NRAP: variants seen among roughly 807,000 people sequenced by gnomAD.
NRAP encodes the protein nebulin-related-anchoring protein.
A neutral mutation model predicts 225.9 loss-of-function variants in NRAP; 189 were observed. The ratio of observed to expected loss-of-function variants is 0.84; its 90% CI spans 0.74 to 0.94. The LOEUF is 0.94. Among genes scored for constraint, NRAP ranks in the 40% least tolerant of loss-of-function variants. NRAP has a pLI of 0.00. For synonymous variants in NRAP, 769 were observed against 790.7 expected (o/e 0.97, Z 0.46); for missense variants, 2,176 against 2,168.7 (o/e 1.00, Z -0.07).
intron 4 of NRAP, among the ~76,000 whole-genome samples, chr10:113,655,024 C>A (rs148135781): frequency 4.2e-4 from 64 of 152,204 alleles, no homozygotes; most frequent in African/African-American, 1.5e-3. Flanking sequence ...TGGAGGGGGG[C>A]AAGTTGGACA....
chr10:113,604,117 A>C (rs1318751247), intron 35 of NRAP, among the ~76,000 whole-genome samples: 2 of 152,010 alleles, frequency 1.3e-5, no homozygotes, highest in African/African-American at 4.8e-5. Context: ...GGTGGTCAAT[A>C]AAGACTGTTT....
intron 14 of NRAP, 132 bp downstream of exon 14, chr10:113,640,095 C>T: frequency 1.9e-6 from 1 of 536,388 alleles, no homozygotes; most frequent in Admixed American, 3.4e-5. Context: ...AAAGGATTTC[C>T]CTTTCCTCAA....
intron 22 of NRAP, among the ~76,000 whole-genome samples, chr10:113,624,231 G>A (rs928146086): frequency 2.0e-5 from 3 of 152,170 alleles, no homozygotes; most frequent in Non-Finnish European, 2.9e-5. Context: ...CAAAGACCTG[G>A]GAGCTAAGCA....
chr10:113,651,452 C>T (rs535716204), intron 7 of NRAP, among the ~76,000 whole-genome samples: 1 of 152,266 alleles, frequency 6.6e-6, no homozygotes, highest in East Asian at 1.9e-4. Flanking sequence ...AGGTATTAAG[C>T]CCGGCATGCA....
In NRAP at chr10:113,604,655, T is replaced by C. The variant is rs202195102; in HGVS notation, c.4181A>G (p.Asp1394Gly). 1 of 1,614,154 alleles carries C rather than the reference T, an allele frequency of 6.2e-7. No homozygotes were observed. Among genetic ancestry groups the C allele is most frequent in the Non-Finnish European group, 8.5e-7 (1 of 1,180,012 alleles). The change falls in exon 35 of 42, where the codon GAC becomes GGC. Residue 1394 changes from aspartate to glycine, a missense_variant. Asp to Gly is a moderately conservative substitution (Grantham distance 94). This residue lies in a region of NRAP where 23 missense variants were observed against 47.1 expected (regional missense o/e 0.49). Transcript: ENST00000359988. ...QYHKFTALPE[D>G]LKMAWAKKAH... ...TTTCTTGGCCCAGGCCATCTTCAGG[T>C]CCTCGGGCAGTGCTGTGAACTTGTG... is the stretch of plus-strand genomic sequence containing the variant.
intron 9 of NRAP, among the ~76,000 whole-genome samples, chr10:113,648,703 C>T (rs138598593): frequency 6.6e-6 from 1 of 152,180 alleles, no homozygotes; most frequent in African/African-American, 2.4e-5. Context: ...AGTGAAATGC[C>T]ATGCTAGACT....
At chr10:113,589,454 A>ACTT (rs1470592842) in intron 41 of NRAP, 2 of 618,212 alleles carry the variant, frequency 3.2e-6, no homozygotes, top group Non-Finnish European at 5.6e-6. Context: ...AATGGCTGTG[A>ACTT]CTTCAGAGAA....
intron 15 of NRAP, among the ~76,000 whole-genome samples, chr10:113,633,805 GC>G (rs1564739136): frequency 6.6e-6 from 1 of 152,100 alleles, no homozygotes; most frequent in East Asian, 1.9e-4. Context: ...CTTGAAATTG[GC>G]TTCAAAATAA....
chr10:113,633,231 G>T, intron 15 of NRAP, 43 bp from the exon 16 acceptor site: 1 of 1,151,132 alleles, frequency 8.7e-7, no homozygotes, highest in Non-Finnish European at 1.3e-6. Context: ...TATATGGGCA[G>T]AAAGAGAACT....
At chr10:113,595,305 AGGGCCAG>A (rs954929998) in intron 38 of NRAP, among the ~76,000 whole-genome samples, 1 of 152,200 alleles carries the variant, frequency 6.6e-6, no homozygotes, top group African/African-American at 2.4e-5. Context: ...TACACCCACT[AGGGCCAG>A]GGGACCACTC....
At chr10:113,655,837 TTTG>T (rs1173190010) in intron 4 of NRAP, among the ~76,000 whole-genome samples, 1 of 152,208 alleles carries the variant, frequency 6.6e-6, no homozygotes, top group Non-Finnish European at 1.5e-5. Context: ...TTCCAAGATA[TTTG>T]TTGAGTGAAA....
In NRAP at chr10:113,604,678, G is replaced by A; in HGVS notation, c.4158C>T (p.His1386=). ...GGTCCTCGGGCAGTGCTGTGAACTT[G>A]TGATACTGTGTCCTGTAGTCGTGGT... ...ASDHDYRTQY[H]KFTALPEDLK... Residue 1386 remains histidine, a synonymous_variant, in exon 35 of 42, where the codon CAC becomes CAT. Transcript: ENST00000359988. 1 of 1,614,210 alleles carries A rather than the reference G, an allele frequency of 6.2e-7. No homozygotes were observed. Among genetic ancestry groups the A allele is most frequent in the Non-Finnish European group, 8.5e-7 (1 of 1,180,038 alleles).
At chr10:113,619,993 A>C (rs1378484234) in intron 25 of NRAP, among the ~76,000 whole-genome samples, 1 of 152,200 alleles carries the variant, frequency 6.6e-6, no homozygotes, top group Non-Finnish European at 1.5e-5. Flanking sequence ...ACCCCACGAC[A>C]AAGAAAAATC....
chr10:113,606,388 A>T (rs1262085792), intron 32 of NRAP, 106 bp from the exon 33 acceptor site: 2 of 685,732 alleles, frequency 2.9e-6, no homozygotes, highest in Non-Finnish European at 2.5e-6. Context: ...ATAGCAAAAA[A>T]CCGTTCATTG....
At chr10:113,631,419 AG>A in intron 18 of NRAP, 89 bp downstream of exon 18, 3 of 692,412 alleles carry the variant, frequency 4.3e-6, no homozygotes, top group Non-Finnish European at 7.5e-6. Flanking sequence ...GTCAATAAAA[AG>A]GTTACAGTCC....
At chr10:113,660,959 C>A (rs1850637325) in intron 3 of NRAP, among the ~76,000 whole-genome samples, 1 of 152,182 alleles carries the variant, frequency 6.6e-6, no homozygotes, top group African/African-American at 2.4e-5. Flanking sequence ...AATAATATTA[C>A]AGAAGGTTCT....
rs774835752 is a variant in NRAP at position 113,646,925 on chromosome 10, C to G, written c.991G>C (p.Asp331His). The G allele has an allele frequency of 2.5e-6, 4 of 1,609,568 alleles. No homozygotes were observed. In the South Asian group the frequency reaches 4.4e-5, roughly 18 times the overall value. The change falls in exon 10 of 42, where the codon GAC becomes CAC. Residue 331 changes from aspartate to histidine, a missense_variant and splice_region_variant. Physicochemically the swap from Asp to His is moderately conservative, Grantham distance 81. This residue lies in a region of NRAP where 1,708 missense variants were observed against 1,695.5 expected (regional missense o/e 1.01). Transcript: ENST00000359988. Reference protein sequence around the residue: ...NAKKAHELASDIKYRQDFNKM... With the variant: ...NAKKAHELASHIKYRQDFNKM... ...GGTCACACCTACATGGTACTTACGT[C>G]ACTAGCGAGTTCGTGAGCTTTCTTG...
intron 38 of NRAP, among the ~76,000 whole-genome samples, chr10:113,593,360 C>A (rs754371309): frequency 5.9e-5 from 9 of 152,148 alleles, no homozygotes; most frequent in Non-Finnish European, 1.2e-4. Flanking sequence ...AAGTGCCCCA[C>A]CCCATCCCAC....
chr10:113,617,644 G>A (rs562671369), intron 25 of NRAP, 91 bp from the exon 26 acceptor site: 24 of 779,802 alleles, frequency 3.1e-5, no homozygotes, highest in South Asian at 2.9e-4. Context: ...TGAGATTAGA[G>A]TGAATTTGTG....
Sources: gnomAD v4.1 joint callset for allele counts (sites outside exome capture counted in the v4.1 genomes callset) on GRCh38, gnomAD v4.1.1 for gene constraint, gnomAD v4.1.1 regional missense constraint, MANE v1.5 for transcripts, NCBI Gene and HGNC (gene_info 2026-07-23, HGNC 2026-07-21) for gene names.